MCM5: variants seen among roughly 807,000 people sequenced by gnomAD.
MCM5 encodes minichromosome maintenance complex component 5.
Under a neutral mutation model 79.9 loss-of-function variants are expected in MCM5, and 46 were observed. The observed-to-expected ratio is 0.58, with a 90% CI of 0.45 to 0.74. The LOEUF is 0.74. MCM5 is among the 30% of genes least tolerant of loss of function. The pLI is 0.00. For synonymous variants in MCM5, 404 were observed against 390.5 expected (o/e 1.03, Z -0.41); for missense variants, 883 against 1,017.0 (o/e 0.87, Z 1.79).
intron 6 of MCM5, 87 bp from the exon 7 acceptor site, chr22:35,410,657 G>A: frequency 1.5e-6 from 2 of 1,323,140 alleles, no homozygotes; most frequent in Non-Finnish European, 2.2e-6. Context: ...AGTGGACCCT[G>A]CGTGTCCTGG....
rs1932462263 is a variant in MCM5, at chr22:35,413,917, G to A, written c.1134G>A (p.Leu378=). ...GLTRRGDINL[L]MLGDPGTAKS... ...CTCGCCGAGGAGACATCAACCTGCT[G>A]ATGCTAGGGGACCCTGGGACAGCCA... Residue 378 remains leucine, a synonymous_variant, in exon 9 of 17, where the codon CTG becomes CTA. Transcript: ENST00000216122. 1 of 1,614,138 alleles carries A rather than the reference G, an allele frequency of 6.2e-7. No individual in the cohort carries two copies. Among genetic ancestry groups the A allele is most frequent in the Non-Finnish European group, 8.5e-7 (1 of 1,179,986 alleles).
At chr22:35,407,231 T>G (rs1199089497) in intron 5 of MCM5, among the ~76,000 whole-genome samples, 10 of 152,130 alleles carry the variant, frequency 6.6e-5, no homozygotes, top group Admixed American at 3.9e-4. Flanking sequence ...AACCCCACCC[T>G]CTTCACTGGC....
the MCM5 span, among the ~76,000 whole-genome samples, chr22:35,449,571 G>A: frequency 5.8e-5 from 3 of 51,716 alleles, no homozygotes; most frequent in African/African-American, 7.8e-5. Context: ...TGTCCCAGCT[G>A]TGGCCTCTCT....
At chr22:35,439,284 CATCT>C in the MCM5 span, among the ~76,000 whole-genome samples, 4 of 152,060 alleles carry the variant, frequency 2.6e-5, no homozygotes, top group Non-Finnish European at 4.4e-5. Flanking sequence ...TCCATCCATC[CATCT>C]ACCTGCATAT....
At chr22:35,406,457 ACCT>A in intron 4 of MCM5, 93 bp from the exon 5 acceptor site, 4 of 1,189,166 alleles carry the variant, frequency 3.4e-6, no homozygotes, top group Non-Finnish European at 3.6e-6. Flanking sequence ...CTCTGTGCCC[ACCT>A]CCTCCAGGCT....
At chr22:35,451,295 A>G in the MCM5 span, among the ~76,000 whole-genome samples, 102,681 of 152,156 alleles carry the variant, frequency 0.67, 35,669 homozygotes, top group Middle Eastern at 0.77. Context: ...GAGAACCAGC[A>G]GAGAAGGTTG....
At position 35,412,526 on chromosome 22, in the gene MCM5, G is replaced by A. The variant is rs775750637; in HGVS notation, c.936G>A (p.Gly312=). 50 of 1,562,828 alleles carry A rather than the reference G, an allele frequency of 3.2e-5. No individual in the cohort carries two copies. Among genetic ancestry groups the A allele is most frequent in the Non-Finnish European group, 1.7e-6 (2 of 1,153,176 alleles). Residue 312 remains glycine (G), a synonymous_variant, in exon 8 of 17, where the codon GGG becomes GGA. Coordinates refer to ENST00000216122, the MANE Select transcript of MCM5 (RefSeq NM_006739.4). ...DTDGSGRSFA[G]AVSPQEEEEF... ...CCTACCAAGGCCGCAGCTTTGCTGG[G>A]GCCGTGAGCCCCCAGGAGGAGGAGG...
In MCM5 at chr22:35,416,396, A is replaced by G. The variant is rs146948801; in HGVS notation, c.1405A>G (p.Ile469Val). The part of the protein sequence containing the change: ...HEAMEQQTIS[I>V]AKAGITTTLN... ...AGCCATGGAGCAGCAGACCATCTCTATCGCCAAGGTGAGTGGCCCTCCATG... is the reference window on the plus strand; with the variant it reads ...AGCCATGGAGCAGCAGACCATCTCTGTCGCCAAGGTGAGTGGCCCTCCATG... The change falls in exon 11 of 17, where the codon ATC (isoleucine) becomes GTC (valine). Residue 469 changes from isoleucine to valine, a missense_variant. Ile to Val is a conservative substitution (Grantham distance 29). Transcript: ENST00000216122. The G allele has an allele frequency of 1.7e-4, 269 of 1,612,542 alleles. 1 individual carries two copies. In the African/African-American group the frequency reaches 2.6e-3, roughly 16 times the overall value.
intron 6 of MCM5, chr22:35,409,684 G>A (rs887631112): frequency 6.6e-6 from 1 of 152,202 alleles, no homozygotes; most frequent in African/African-American, 2.4e-5. Flanking sequence ...TTCTAACCTG[G>A]GCTTGCATAT....
chr22:35,427,926 G>A (rs1932788349), downstream of MCM5, among the ~76,000 whole-genome samples: 2 of 151,786 alleles, frequency 1.3e-5, no homozygotes. Flanking sequence ...TGTAATCCCA[G>A]CACTTTAGGA....
At chr22:35,428,643 T>C (rs569294265), downstream of MCM5, among the ~76,000 whole-genome samples, 3 of 152,236 alleles carry the variant, frequency 2.0e-5, 1 homozygote, top group South Asian at 6.2e-4. Flanking sequence ...AGGGCTGTGT[T>C]GTAAGGTAGT....
At position 35,416,694 on chromosome 22, in the gene MCM5, A is replaced by G. The variant is rs1179860224; in HGVS notation, c.1470A>G (p.Ser490=). The change falls in exon 12 of 17, where the codon TCA becomes TCG. Residue 490 remains serine, a synonymous_variant. Transcript: ENST00000216122. ...GCTCCGTCCTGGCTGCTGCCAACTC[A>G]GTGTTCGGCCGCTGGGATGAGACGA... ...SRCSVLAAAN[S]VFGRWDETKG... is the part of the protein sequence containing the mutation. The G allele has an allele frequency of 6.2e-6, 10 of 1,614,012 alleles. No homozygotes were observed. Among genetic ancestry groups the G allele is most frequent in the Non-Finnish European group, 8.5e-6 (10 of 1,180,008 alleles).
chr22:35,429,847 G>T (rs1932801308), downstream of MCM5, among the ~76,000 whole-genome samples: 1 of 152,168 alleles, frequency 6.6e-6, no homozygotes, highest in African/African-American at 2.4e-5. Flanking sequence ...CTTCCTTAGA[G>T]AACCAGCTCA....
chr22:35,442,818 A>G, the MCM5 span, among the ~76,000 whole-genome samples: 1 of 152,228 alleles, frequency 6.6e-6, no homozygotes, highest in Non-Finnish European at 1.5e-5. Context: ...GTCCATGAAC[A>G]TCTTTCCAGG....
chr22:35,435,050 C>G, the MCM5 span, among the ~76,000 whole-genome samples: 1 of 152,192 alleles, frequency 6.6e-6, no homozygotes, highest in Non-Finnish European at 1.5e-5. Context: ...ACTCAGGAGG[C>G]TGAGGCAGGA....
the MCM5 span, among the ~76,000 whole-genome samples, chr22:35,438,591 C>CCACCCACCCACATATT: frequency 8.3e-5 from 4 of 48,084 alleles, no homozygotes; most frequent in African/African-American, 2.7e-4. Flanking sequence ...ATCCATCCAT[C>CCACCCACCCACATATT]CATGCATCCA....
rs762377865 is a variant in MCM5, at chr22:35,403,253, G to A, written c.214G>A (p.Val72Met). 4 of 1,614,180 alleles carry A rather than the reference G, an allele frequency of 2.5e-6. No homozygotes were observed. Among genetic ancestry groups the A allele is most frequent in the Non-Finnish European group, 3.4e-6 (4 of 1,180,048 alleles). Residue 72 changes from valine (V) to methionine (M), a missense_variant, in exon 3 of 17, where the codon GTG becomes ATG. Physicochemically the swap from Val to Met is conservative, Grantham distance 21. Transcript: ENST00000216122. ...HYNLGEYWIEVEMEDLASFDE... is the reference protein window; with the variant it reads ...HYNLGEYWIEMEMEDLASFDE... ...CAACCTGGGGGAGTACTGGATTGAG[G>A]TGGAGATGGAGGATCTGGCCAGCTT... is the stretch of plus-strand genomic sequence containing the variant.
At chr22:35,450,578 C>CT in the MCM5 span, among the ~76,000 whole-genome samples, 1 of 152,152 alleles carries the variant, frequency 6.6e-6, no homozygotes, top group African/African-American at 2.4e-5. Context: ...AGGGTTGGCC[C>CT]TTTCACTCCC....
chr22:35,408,559 G>A lies in MCM5; in HGVS notation c.748G>A (p.Asp250Asn), dbSNP rs752177318. The A allele has an allele frequency of 1.0e-4, 164 of 1,606,544 alleles. No homozygotes were observed. Among genetic ancestry groups the A allele is most frequent in the Non-Finnish European group, 1.3e-4 (149 of 1,173,934 alleles). The change falls in exon 6 of 17, where the codon GAC (aspartate) becomes AAC (asparagine). Residue 250 changes from aspartate (D) to asparagine (N), a missense_variant. This residue lies in a region of MCM5 where 455 missense variants were observed against 517.5 expected (regional missense o/e 0.88). Coordinates refer to ENST00000216122, the MANE Select transcript of MCM5 (RefSeq NM_006739.4). ...EMPRHMQLYC[D>N]RYLCDKVVPG... Reference sequence around the variant, plus strand: ...GCCCAGACACATGCAGCTCTACTGCGACAGGTGAGGCAGACGGGCTGGGAG... The same window carrying A: ...GCCCAGACACATGCAGCTCTACTGCAACAGGTGAGGCAGACGGGCTGGGAG...
Sources: gnomAD v4.1 joint callset for allele counts (sites outside exome capture counted in the v4.1 genomes callset) on GRCh38, gnomAD v4.1.1 for gene constraint, gnomAD v4.1.1 regional missense constraint, MANE v1.5 for transcripts, NCBI Gene and HGNC (gene_info 2026-07-23, HGNC 2026-07-21) for gene names.